Variants in ZZZ3 observed in about 807,000 individuals in gnomAD.
The protein encoded by ZZZ3 is ZZ-type zinc finger-containing protein 3.
A neutral mutation model predicts 95.2 loss-of-function variants in ZZZ3; 22 were observed. That is an observed-to-expected ratio of 0.23 (90% confidence interval 0.17 to 0.33). ZZZ3 has a LOEUF of 0.33. Ranked by LOEUF, ZZZ3 falls within the 10% of genes least tolerant of loss-of-function variation. ZZZ3 has a pLI of 1.00. For synonymous variants in ZZZ3, 335 were observed against 358.9 expected (o/e 0.93, Z 0.75); for missense variants, 885 against 1,066.5 (o/e 0.83, Z 2.37).
intron 1 of ZZZ3, among the ~76,000 whole-genome samples, chr1:77,673,649 T>C (rs1671987544): frequency 6.6e-6 from 1 of 152,316 alleles, no homozygotes; most frequent in East Asian, 1.9e-4. Flanking sequence ...TGAAAGGGGT[T>C]AATAAGCAGG....
At chr1:77,635,012 T>C (rs929122913) in intron 4 of ZZZ3, among the ~76,000 whole-genome samples, 1 of 152,162 alleles carries the variant, frequency 6.6e-6, no homozygotes, top group South Asian at 2.1e-4. Flanking sequence ...TCCCTTCTCA[T>C]GTAAACCTCC....
chr1:77,657,646 C>T (rs1413111685), intron 1 of ZZZ3, among the ~76,000 whole-genome samples: 8 of 152,176 alleles, frequency 5.3e-5, no homozygotes, highest in Non-Finnish European at 7.3e-5. Flanking sequence ...AATGAGTTCA[C>T]AAACGTGGAA....
Position 77,579,974 on chromosome 1 carries a change from A to G in ZZZ3, c.1981-346T>C, listed in dbSNP as rs72936110. ...TCACTAAATCCACTGAAATCCAAGAAAAGATGGTCAATCTTTTCTTACTTT... is the reference window on the plus strand; with the variant it reads ...TCACTAAATCCACTGAAATCCAAGAGAAGATGGTCAATCTTTTCTTACTTT... On this transcript the variant is annotated intron_variant, in intron 9 of 14. Coordinates refer to ENST00000370801, the MANE Select transcript of ZZZ3 (RefSeq NM_015534.6). 5.8e-3 allele frequency: 902 copies of G among 156,030 alleles called. 8 individuals carry two copies. The highest frequency in any genetic ancestry group is 0.025 in the Middle Eastern group (8 of 318). 9.7% of individuals were successfully genotyped at this position (156,030 alleles called of 1,614,324 possible). A position where few individuals can be genotyped will look rare whatever the true frequency, so the allele number is the denominator to read the frequency against.
At chr1:77,623,927 CAA>C (rs994611163) in intron 5 of ZZZ3, among the ~76,000 whole-genome samples, 1 of 148,444 alleles carries the variant, frequency 6.7e-6, no homozygotes, top group Admixed American at 6.7e-5. Flanking sequence ...AAAGTAAGAC[CAA>C]AAAAAAAGAG....
chr1:77,657,981 C>T (rs1460082645), intron 1 of ZZZ3, among the ~76,000 whole-genome samples: 1 of 151,890 alleles, frequency 6.6e-6, no homozygotes, highest in East Asian at 1.9e-4. Context: ...GAGTTTGAGA[C>T]CAGTCTGGCC....
chr1:77,635,439 T>C (rs1668205782), intron 4 of ZZZ3, among the ~76,000 whole-genome samples: 1 of 152,216 alleles, frequency 6.6e-6, no homozygotes, highest in Admixed American at 6.5e-5. Flanking sequence ...TAGTAAACTT[T>C]CATTGTTTGG....
chr1:77,669,856 AAAAAG>A (rs1409382019), intron 1 of ZZZ3, among the ~76,000 whole-genome samples: 17 of 152,318 alleles, frequency 1.1e-4, no homozygotes, highest in East Asian at 5.8e-4. Context: ...GATTTAAAAA[AAAAAG>A]AAAAGAAAAC....
rs758176536 is a variant in ZZZ3 at position 77,633,070 on chromosome 1, G to A, written c.285C>T (p.Asn95=). Residue 95 remains asparagine (N), a synonymous_variant, in exon 5 of 15, where the codon AAC becomes AAT. Coordinates refer to ENST00000370801, the MANE Select transcript of ZZZ3 (RefSeq NM_015534.6). ...AATTTTCTATAGCCTGCCTTTCTAT[G>A]TTATCCTTTTCTGAAGAAGAAAGTC... is the stretch of plus-strand genomic sequence containing the variant. The part of the protein sequence containing the change: ...KRGLSSSEKD[N]IERQAIENCE... The A allele has an allele frequency of 5.6e-6, 9 of 1,613,718 alleles. No homozygotes were observed. The highest frequency in any genetic ancestry group is 2.2e-5 in the East Asian group (1 of 44,892).
chr1:77,593,983 T>C (rs1210000723), intron 5 of ZZZ3, among the ~76,000 whole-genome samples: 1 of 152,156 alleles, frequency 6.6e-6, no homozygotes, highest in African/African-American at 2.4e-5. Context: ...GATCCTAAGA[T>C]ACTTGTACCA....
chr1:77,676,743 C>A (rs543407054), intron 1 of ZZZ3, among the ~76,000 whole-genome samples: 2 of 151,924 alleles, frequency 1.3e-5, no homozygotes, highest in South Asian at 4.1e-4. Context: ...TATGAATGTT[C>A]TTAAGGCTTG....
chr1:77,660,630 C>T (rs565685736), intron 1 of ZZZ3, among the ~76,000 whole-genome samples: 1 of 152,214 alleles, frequency 6.6e-6, no homozygotes, highest in Non-Finnish European at 1.5e-5. Flanking sequence ...ACTTGGGTTG[C>T]TTTCACATTT....
At chr1:77,668,447 C>G (rs1229695623) in intron 1 of ZZZ3, among the ~76,000 whole-genome samples, 2 of 152,066 alleles carry the variant, frequency 1.3e-5, no homozygotes, top group Non-Finnish European at 2.9e-5. Context: ...GCCTCTGTTT[C>G]CACATCAATA....
chr1:77,664,397 T>C (rs1031180684), intron 1 of ZZZ3, among the ~76,000 whole-genome samples: 2 of 152,174 alleles, frequency 1.3e-5, no homozygotes, highest in Non-Finnish European at 2.9e-5. Flanking sequence ...TTTGCTCCCA[T>C]AATGCTTAAT....
chr1:77,621,573 T>C (rs574697701), intron 5 of ZZZ3, among the ~76,000 whole-genome samples: 5 of 150,008 alleles, frequency 3.3e-5, no homozygotes, highest in Non-Finnish European at 5.9e-5. Flanking sequence ...CCCAGCACTT[T>C]GGGAGGCCAA....
At chr1:77,649,826 T>C (rs1049773621) in intron 1 of ZZZ3, among the ~76,000 whole-genome samples, 5 of 151,734 alleles carry the variant, frequency 3.3e-5, no homozygotes, top group African/African-American at 1.2e-4. Context: ...TGAGCCGAGA[T>C]TGCGCCATGG....
At chr1:77,670,694 A>G (rs1196893304) in intron 1 of ZZZ3, among the ~76,000 whole-genome samples, 1 of 152,082 alleles carries the variant, frequency 6.6e-6, no homozygotes, top group African/African-American at 2.4e-5. Flanking sequence ...GACTTATATG[A>G]AAGTTATCAG....
chr1:77,571,957 T>G (rs1661435117), intron 12 of ZZZ3, among the ~76,000 whole-genome samples: 1 of 152,176 alleles, frequency 6.6e-6, no homozygotes, highest in African/African-American at 2.4e-5. Flanking sequence ...AAAGAAAAAT[T>G]TTTTAAAGCC....
chr1:77,649,783 G>A (rs1191292631), intron 1 of ZZZ3, among the ~76,000 whole-genome samples: 2 of 151,856 alleles, frequency 1.3e-5, no homozygotes, highest in Admixed American at 6.6e-5. Flanking sequence ...TCGGGAGGCT[G>A]AGGCAGGAGA....
intron 1 of ZZZ3, among the ~76,000 whole-genome samples, chr1:77,678,467 C>A (rs988546407): frequency 1.3e-5 from 2 of 152,108 alleles, no homozygotes; most frequent in African/African-American, 4.8e-5. Flanking sequence ...TCAAAAGACA[C>A]CAATTTCTTA....
Sources: gnomAD v4.1 joint callset for allele counts (sites outside exome capture counted in the v4.1 genomes callset) on GRCh38, gnomAD v4.1.1 for gene constraint, MANE v1.5 for transcripts, NCBI Gene and HGNC (gene_info 2026-07-23, HGNC 2026-07-21) for gene names.